The following PCNX2 variants were observed in gnomAD, a reference collection of about 807,000 sequenced individuals.
PCNX2 encodes pecanex-like protein 2.
A neutral mutation model predicts 223.8 loss-of-function variants in PCNX2; 168 were observed. The ratio of observed to expected loss-of-function variants is 0.75; its 90% CI spans 0.66 to 0.85. The LOEUF (loss-of-function observed/expected upper bound fraction) is 0.85, where lower values mean the gene tolerates loss of function less well. Ranked by LOEUF, PCNX2 falls within the 40% of genes least tolerant of loss-of-function variation. The probability of loss-of-function intolerance (pLI) is 0.00; values close to 1 mark genes in which losing one functional copy is unlikely to be tolerated. For synonymous variants in PCNX2, 1,006 were observed against 1,052.6 expected (o/e 0.96, Z 0.86); for missense variants, 2,507 against 2,675.5 (o/e 0.94, Z 1.39).
At chr1:233,132,808 G>T (rs1250220344) in intron 21 of PCNX2, among the ~76,000 whole-genome samples, 1 of 151,844 alleles carries the variant, frequency 6.6e-6, no homozygotes, top group Admixed American at 6.6e-5. Context: ...GGAAACTGAG[G>T]CTCAGAAAGG....
At chr1:233,214,037 C>T (rs1681979859) in intron 12 of PCNX2, among the ~76,000 whole-genome samples, 1 of 151,850 alleles carries the variant, frequency 6.6e-6, no homozygotes, top group Admixed American at 6.6e-5. Context: ...CCACCTTGGC[C>T]AGCCTGGTCT....
chr1:233,134,670 G>A (rs1021028321), intron 21 of PCNX2: 2 of 322,624 alleles, frequency 6.2e-6, no homozygotes, highest in Non-Finnish European at 1.1e-5. Context: ...AGGGAGGGAG[G>A]GAGAGACCAG....
chr1:232,995,056 A>T (rs535605718), intron 32 of PCNX2, among the ~76,000 whole-genome samples: 1 of 152,356 alleles, frequency 6.6e-6, no homozygotes, highest in Admixed American at 6.5e-5. Flanking sequence ...CATGGTGAGG[A>T]TCCAGTGAAT....
chr1:233,113,046 C>T, intron 21 of PCNX2: 1 of 1,260,340 alleles, frequency 7.9e-7, no homozygotes, highest in Non-Finnish European at 1.0e-6. Context: ...CAGGCACTTT[C>T]CTGCAATTAC....
At chr1:233,130,050 T>G (rs1676376688) in intron 21 of PCNX2, among the ~76,000 whole-genome samples, 1 of 151,824 alleles carries the variant, frequency 6.6e-6, no homozygotes, top group Non-Finnish European at 1.5e-5. Flanking sequence ...CGAACCCACC[T>G]GCAGGAATGA....
At chr1:233,223,897 T>C (rs1285857) in intron 10 of PCNX2, among the ~76,000 whole-genome samples, 98,623 of 151,984 alleles carry the variant, frequency 0.65, 32,225 homozygotes, top group East Asian at 0.79. Flanking sequence ...TATCTCAGTT[T>C]GTGTGTATCT....
At chr1:233,107,200 CACACACACACACAA>C (rs1208937159) in intron 21 of PCNX2, among the ~76,000 whole-genome samples, 1 of 151,982 alleles carries the variant, frequency 6.6e-6, no homozygotes, top group African/African-American at 2.4e-5. Flanking sequence ...CACACACACA[CACACACACACACAA>C]AACCATGCAC....
chr1:233,274,345 C>G (rs1253342983), intron 1 of PCNX2, among the ~76,000 whole-genome samples: 4 of 152,160 alleles, frequency 2.6e-5, no homozygotes, highest in African/African-American at 9.7e-5. Flanking sequence ...TCCTTAGTTT[C>G]TACATACTAG....
chr1:233,248,170 T>C (rs765629148), intron 8 of PCNX2, among the ~76,000 whole-genome samples: 9 of 152,138 alleles, frequency 5.9e-5, no homozygotes, highest in Non-Finnish European at 5.9e-5. Flanking sequence ...AGTAATTAAT[T>C]CAGTTGCCTT....
At chr1:233,036,992 G>A (rs1419712662) in intron 25 of PCNX2, among the ~76,000 whole-genome samples, 1 of 152,172 alleles carries the variant, frequency 6.6e-6, no homozygotes, top group Non-Finnish European at 1.5e-5. Context: ...CAGAAAGACT[G>A]AGTCTCTCTC....
chr1:233,078,258 G>A (rs1166464842), intron 23 of PCNX2, among the ~76,000 whole-genome samples: 1 of 152,182 alleles, frequency 6.6e-6, no homozygotes, highest in Non-Finnish European at 1.5e-5. Flanking sequence ...ACAGTCACTT[G>A]GAGTATTGGC....
chr1:233,216,595 G>C (rs1045608523), intron 12 of PCNX2, among the ~76,000 whole-genome samples: 2 of 151,924 alleles, frequency 1.3e-5, no homozygotes, highest in African/African-American at 4.8e-5. Context: ...ACTGCTAGGG[G>C]GTACAGAAAT....
intron 15 of PCNX2, among the ~76,000 whole-genome samples, chr1:233,192,793 C>T (rs1387331910): frequency 6.6e-6 from 1 of 151,516 alleles, no homozygotes; most frequent in Non-Finnish European, 1.5e-5. Flanking sequence ...GATAATAGTA[C>T]TTGTCTCAGT....
chr1:233,123,791 A>C (rs1323694386), intron 21 of PCNX2, among the ~76,000 whole-genome samples: 1 of 152,188 alleles, frequency 6.6e-6, no homozygotes, highest in East Asian at 1.9e-4. Flanking sequence ...TCATTGTCTC[A>C]ATTCAAGTAG....
intron 10 of PCNX2, among the ~76,000 whole-genome samples, chr1:233,226,267 T>C (rs1044689753): frequency 1.3e-5 from 2 of 152,090 alleles, no homozygotes; most frequent in African/African-American, 4.8e-5. Context: ...CATCATGTTT[T>C]CTTTTTTCTG....
At chr1:233,041,940 T>G (rs1671659174) in intron 25 of PCNX2, among the ~76,000 whole-genome samples, 1 of 152,256 alleles carries the variant, frequency 6.6e-6, no homozygotes, top group Admixed American at 6.5e-5. Flanking sequence ...ACACAAGTTT[T>G]GTTTCCTGCA....
intron 21 of PCNX2, among the ~76,000 whole-genome samples, chr1:233,117,270 T>C (rs1675464659): frequency 6.6e-6 from 1 of 152,112 alleles, no homozygotes; most frequent in Non-Finnish European, 1.5e-5. Context: ...GAAGGGATAC[T>C]ACAATTCATT....
chr1:233,129,719 T>G (rs955193038), intron 21 of PCNX2, among the ~76,000 whole-genome samples: 4 of 152,152 alleles, frequency 2.6e-5, no homozygotes, highest in African/African-American at 9.7e-5. Context: ...GGTGGGGACT[T>G]GGAGAAACTT....
At chr1:233,282,353 A>G (rs1661236127) in intron 1 of PCNX2, among the ~76,000 whole-genome samples, 2 of 152,120 alleles carry the variant, frequency 1.3e-5, no homozygotes, top group African/African-American at 2.4e-5. Flanking sequence ...TATTTTTCAA[A>G]TCTGTATCCC....
Sources: gnomAD v4.1 joint callset for allele counts (sites outside exome capture counted in the v4.1 genomes callset) on GRCh38, gnomAD v4.1.1 for gene constraint, MANE v1.5 for transcripts, NCBI Gene and HGNC (gene_info 2026-07-23, HGNC 2026-07-21) for gene names.